Variants in FAM13C observed in about 807,000 individuals in gnomAD.
The protein encoded by FAM13C is protein FAM13C.
A neutral mutation model predicts 73.2 loss-of-function variants in FAM13C; 37 were observed. That is an observed-to-expected ratio of 0.51 (90% CI 0.39 to 0.67). FAM13C has a LOEUF of 0.67. Among genes scored for constraint, FAM13C ranks in the 30% least tolerant of loss-of-function variants. The pLI is 0.00. For missense variants in FAM13C, 589 were observed against 715.6 expected (o/e 0.82, Z 2.02); for synonymous variants, 246 against 260.9 (o/e 0.94, Z 0.55).
chr10:59,290,579 T>C (rs12246047), intron 5 of FAM13C, among the ~76,000 whole-genome samples: 7,007 of 152,298 alleles, frequency 0.046, 284 homozygotes, highest in African/African-American at 0.1. Context: ...TACTCAGCTC[T>C]AGTTGTTTCT....
At chr10:59,254,078 T>G (rs1449739559) in intron 11 of FAM13C, 1 of 379,350 alleles carries the variant, frequency 2.6e-6, no homozygotes, top group African/African-American at 2.1e-5. Context: ...ATCATTTCTT[T>G]TCACCCAAGA....
chr10:59,348,261 T>C (rs1284353419), intron 3 of FAM13C, among the ~76,000 whole-genome samples: 1 of 152,218 alleles, frequency 6.6e-6, no homozygotes, highest in Non-Finnish European at 1.5e-5. Flanking sequence ...GTTTTGATGA[T>C]GGCAGCAAGC....
rs182269209 is a variant in FAM13C at position 59,330,101 on chromosome 10, G to C, written c.325-5995C>G. On this transcript the variant is annotated intron_variant, in intron 3 of 13. Coordinates refer to ENST00000618804, the MANE Select transcript of FAM13C (RefSeq NM_198215.4). ...ATCAATACAGCTTATAATTCAATAG[G>C]CCCAAACAGCTTTGATATACAGTTC... Among the ~76,000 whole-genome samples, 866 of 152,272 alleles carry C rather than the reference G, an allele frequency of 5.7e-3. 7 individuals are homozygous for C. The highest frequency in any genetic ancestry group is 0.02 in the African/African-American group (827 of 41,548).
chr10:59,288,868 C>A (rs2133750778), intron 5 of FAM13C, among the ~76,000 whole-genome samples: 1 of 152,282 alleles, frequency 6.6e-6, no homozygotes, highest in Non-Finnish European at 1.5e-5. Flanking sequence ...GCACCATGGG[C>A]CACTTGTAAG....
chr10:59,279,592 G>C (rs1334488099), intron 6 of FAM13C, among the ~76,000 whole-genome samples: 1 of 152,234 alleles, frequency 6.6e-6, no homozygotes, highest in South Asian at 2.1e-4. Flanking sequence ...CAGAACAAAG[G>C]CTACTATGCT....
chr10:59,251,475 T>C (rs749737396), intron 13 of FAM13C, 100 bp downstream of exon 13: 2 of 975,020 alleles, frequency 2.1e-6, no homozygotes, highest in South Asian at 1.3e-5. Flanking sequence ...ATTATATACA[T>C]TTTGTAAAAA....
chr10:59,257,774 GC>G lies in FAM13C; in HGVS notation c.1237-3332del, dbSNP rs1842085003. Among the ~76,000 whole-genome samples, 7 of 152,320 alleles carry G rather than the reference GC, an allele frequency of 4.6e-5. No individual in the cohort carries two copies. In the South Asian group the frequency reaches 1.4e-3, roughly 32 times the overall value. On this transcript the variant is annotated intron_variant, in intron 10 of 13. Coordinates refer to ENST00000618804, the MANE Select transcript of FAM13C (RefSeq NM_198215.4). ...TGTTTTGGTCAATTTAGATGTTCAA[GC>G]CGGGAATTGAAGATTAATATTTGTC...
At chr10:59,257,931 A>T (rs1036234704) in intron 10 of FAM13C, among the ~76,000 whole-genome samples, 1 of 152,198 alleles carries the variant, frequency 6.6e-6, no homozygotes, top group Admixed American at 6.6e-5. Context: ...ATTACATTTT[A>T]TAAGTAAATG....
Position 59,251,686 on chromosome 10 carries a change from G to C in FAM13C, c.1533-10C>G. The C allele has an allele frequency of 6.3e-7, 1 of 1,577,490 alleles. No individual in the cohort carries two copies. The highest frequency in any genetic ancestry group is 8.6e-7 in the Non-Finnish European group (1 of 1,162,680). ...GTCAAGAAGTACAGGCCTATATAAG[G>C]TAAAATACTTGTCATTACTGGGCAC... On this transcript the variant is annotated splice_polypyrimidine_tract_variant and intron_variant, in intron 12 of 13. Transcript: ENST00000618804.
intron 1 of FAM13C, among the ~76,000 whole-genome samples, chr10:59,358,957 G>A (rs1047442996): frequency 2.0e-5 from 3 of 152,204 alleles, no homozygotes; most frequent in Admixed American, 6.5e-5. Flanking sequence ...GTTCATTTGA[G>A]TTCTCATTTA....
At chr10:59,344,212 T>C (rs1853934856) in intron 3 of FAM13C, among the ~76,000 whole-genome samples, 1 of 151,926 alleles carries the variant, frequency 6.6e-6, no homozygotes, top group South Asian at 2.1e-4. Context: ...TCCGCCCACC[T>C]TGGCCTCCGA....
intron 8 of FAM13C, among the ~76,000 whole-genome samples, chr10:59,267,973 T>C (rs917828976): frequency 6.6e-6 from 1 of 152,146 alleles, no homozygotes; most frequent in African/African-American, 2.4e-5. Context: ...AGGCTCATGT[T>C]TGCTGCAGTG....
chr10:59,362,612 C>G, upstream of FAM13C: 1 of 1,465,660 alleles, frequency 6.8e-7, no homozygotes, highest in Non-Finnish European at 9.0e-7. Flanking sequence ...TAACGACACC[C>G]CCAGCAGGGG....
At chr10:59,361,587 C>T (rs1408392887) in intron 1 of FAM13C, among the ~76,000 whole-genome samples, 4 of 151,110 alleles carry the variant, frequency 2.6e-5, no homozygotes, top group African/African-American at 9.8e-5. Context: ...AGAAAGAATG[C>T]TAGATGAAGT....
chr10:59,286,967 G>C (rs1016846262), intron 5 of FAM13C, among the ~76,000 whole-genome samples: 11 of 149,252 alleles, frequency 7.4e-5, no homozygotes, highest in African/African-American at 2.5e-4. Context: ...CCAGGAGGTG[G>C]AGGATGCAGT....
chr10:59,266,153 A>G (rs1843038695), intron 8 of FAM13C, among the ~76,000 whole-genome samples: 1 of 152,178 alleles, frequency 6.6e-6, no homozygotes, highest in Non-Finnish European at 1.5e-5. Flanking sequence ...GGGCCTCAGC[A>G]TCTTCAGTTG....
intron 10 of FAM13C, among the ~76,000 whole-genome samples, chr10:59,256,764 T>A (rs1222111684): frequency 3.9e-5 from 6 of 152,162 alleles, no homozygotes; most frequent in Non-Finnish European, 8.8e-5. Context: ...TAAAGAAAAC[T>A]GAATCAAGGT....
chr10:59,298,447 C>T (rs1182364076), intron 5 of FAM13C, among the ~76,000 whole-genome samples: 1 of 152,150 alleles, frequency 6.6e-6, no homozygotes, highest in Non-Finnish European at 1.5e-5. Flanking sequence ...TTTTCCTGAG[C>T]ACAGAGGCCG....
intron 3 of FAM13C, among the ~76,000 whole-genome samples, chr10:59,326,893 GTTAT>G (rs771531521): frequency 1.5e-4 from 23 of 152,052 alleles, no homozygotes; most frequent in Non-Finnish European, 2.9e-4. Context: ...AAGTTTTGTG[GTTAT>G]TTGTTATGCA....
Sources: gnomAD v4.1 joint callset for allele counts (sites outside exome capture counted in the v4.1 genomes callset) on GRCh38, gnomAD v4.1.1 for gene constraint, MANE v1.5 for transcripts, NCBI Gene and HGNC (gene_info 2026-07-23, HGNC 2026-07-21) for gene names.